The following NALF1 variants were observed in gnomAD, a reference collection of about 807,000 sequenced individuals.
NALF1 encodes NALCN channel auxiliary factor 1.
In NALF1, 3 loss-of-function variants were observed where a neutral mutation model predicts 48.4. The ratio of observed to expected loss-of-function variants is 0.06; its 90% CI spans 0.03 to 0.16. The LOEUF (loss-of-function observed/expected upper bound fraction) is 0.16. Among genes scored for constraint, NALF1 ranks in the 10% least tolerant of loss-of-function variants. The pLI, the probability that NALF1 is intolerant of heterozygous loss-of-function variation, is 1.00. For synonymous variants in NALF1, 262 were observed against 245.7 expected (o/e 1.07, Z -0.62); for missense variants, 526 against 571.5 (o/e 0.92, Z 0.81).
At chr13:107,483,502 A>G (rs1885284252) in intron 1 of NALF1, among the ~76,000 whole-genome samples, 1 of 152,192 alleles carries the variant, frequency 6.6e-6, no homozygotes, top group Admixed American at 6.6e-5. Flanking sequence ...TATATGTTAC[A>G]GCAATCTATA....
intron 2 of NALF1, among the ~76,000 whole-genome samples, chr13:107,206,862 T>C (rs1289901939): frequency 6.6e-6 from 1 of 152,204 alleles, no homozygotes; most frequent in African/African-American, 2.4e-5. Context: ...ATAAGAAAAG[T>C]AAGTGAAGAA....
At chr13:107,493,249 G>T (rs914714639) in intron 1 of NALF1, among the ~76,000 whole-genome samples, 2 of 152,134 alleles carry the variant, frequency 1.3e-5, no homozygotes, top group African/African-American at 4.8e-5. Flanking sequence ...TGGAAAAGGA[G>T]TTGTCTGGAA....
At chr13:107,488,071 T>C (rs1427118089) in intron 1 of NALF1, among the ~76,000 whole-genome samples, 3 of 152,124 alleles carry the variant, frequency 2.0e-5, no homozygotes, top group Non-Finnish European at 4.4e-5. Flanking sequence ...ATGTTTATAA[T>C]ACTCTCTGAT....
At chr13:107,652,499 G>T (rs1880472938) in intron 1 of NALF1, among the ~76,000 whole-genome samples, 1 of 151,954 alleles carries the variant, frequency 6.6e-6, no homozygotes, top group Non-Finnish European at 1.5e-5. Flanking sequence ...ACAACTTTTG[G>T]AAATTCATGA....
At chr13:107,221,441 G>A (rs186649901) in intron 1 of NALF1, among the ~76,000 whole-genome samples, 63 of 152,176 alleles carry the variant, frequency 4.1e-4, no homozygotes, top group African/African-American at 1.2e-3. Context: ...TTAGCTGGGC[G>A]TGGCGGTGCA....
At chr13:107,202,422 A>G (rs1879540625) in intron 2 of NALF1, among the ~76,000 whole-genome samples, 1 of 150,210 alleles carries the variant, frequency 6.7e-6, no homozygotes, top group Non-Finnish European at 1.5e-5. Flanking sequence ...TAAAATAGCT[A>G]TAACACAAGG....
chr13:107,168,334 T>G lies in NALF1; in HGVS notation c.*2163A>C, dbSNP rs1878710143. The G allele has an allele frequency of 6.6e-6, 1 of 152,184 alleles. No homozygotes were observed. The highest frequency in any genetic ancestry group is 1.5e-5 in the Non-Finnish European group (1 of 68,040). The allele number at this position is 152,184 out of a possible 1,614,324, so 9.4% of individuals were successfully genotyped here. A position where few individuals can be genotyped will look rare whatever the true frequency, so the allele number is the denominator to read the frequency against. On this transcript the variant is annotated 3_prime_UTR_variant, in exon 3 of 3. Transcript: ENST00000375915. The stretch of plus-strand genomic sequence containing the variant: ...ATACCAAAGTGCTCATTTCTACAAG[T>G]GTTTCACAGTCAACAATTCCATGCA...
intron 1 of NALF1, among the ~76,000 whole-genome samples, chr13:107,488,745 T>C (rs995939437): frequency 5.9e-5 from 9 of 152,214 alleles, no homozygotes; most frequent in Non-Finnish European, 4.4e-5. Context: ...AACACTCTTA[T>C]TCAACATACT....
intron 1 of NALF1, among the ~76,000 whole-genome samples, chr13:107,776,273 C>T (rs544812692): frequency 1.1e-3 from 160 of 152,154 alleles, no homozygotes; most frequent in South Asian, 2.7e-3. Context: ...CTCTCATCAG[C>T]TGGGTAAGTT....
At chr13:107,502,645 T>C (rs1184111192) in intron 1 of NALF1, among the ~76,000 whole-genome samples, 2 of 152,168 alleles carry the variant, frequency 1.3e-5, no homozygotes, top group African/African-American at 2.4e-5. Context: ...ATGCTTCTTC[T>C]AACCATTTAA....
chr13:107,682,862 A>G (rs1420740863), intron 1 of NALF1, among the ~76,000 whole-genome samples: 1 of 152,222 alleles, frequency 6.6e-6, no homozygotes, highest in African/African-American at 2.4e-5. Context: ...CCTCTGCCAT[A>G]GTATGGTCCC....
chr13:107,781,266 A>G (rs1216998844), intron 1 of NALF1, among the ~76,000 whole-genome samples: 1 of 152,212 alleles, frequency 6.6e-6, no homozygotes, highest in Non-Finnish European at 1.5e-5. Context: ...TAAATCTTTA[A>G]CATACTAATC....
chr13:107,351,379 A>T (rs987069195), intron 1 of NALF1, among the ~76,000 whole-genome samples: 5 of 152,220 alleles, frequency 3.3e-5, no homozygotes, highest in African/African-American at 1.2e-4. Flanking sequence ...GAGGAGGTTC[A>T]TGCTTACGGG....
intron 2 of NALF1, among the ~76,000 whole-genome samples, chr13:107,184,868 T>C (rs180771399): frequency 2.0e-5 from 3 of 152,334 alleles, no homozygotes; most frequent in East Asian, 3.9e-4. Flanking sequence ...TCCAAAACGA[T>C]ATGTTAAAGT....
intron 1 of NALF1, among the ~76,000 whole-genome samples, chr13:107,243,434 C>A (rs1356455568): frequency 4.6e-5 from 7 of 152,184 alleles, no homozygotes; most frequent in African/African-American, 1.7e-4. Flanking sequence ...ACCAGTTCTT[C>A]CAGGGCACGT....
intron 1 of NALF1, among the ~76,000 whole-genome samples, chr13:107,461,717 G>C (rs1044256668): frequency 6.6e-6 from 1 of 152,156 alleles, no homozygotes; most frequent in Non-Finnish European, 1.5e-5. Context: ...CGTAGGTCTA[G>C]AAGTTTACAG....
At chr13:107,826,864 G>A (rs768859909) in intron 1 of NALF1, among the ~76,000 whole-genome samples, 13 of 152,176 alleles carry the variant, frequency 8.5e-5, no homozygotes, top group Non-Finnish European at 1.8e-4. Context: ...TGGCCTCAAA[G>A]GACTGCTGGG....
At chr13:107,246,569 T>A (rs1342005509) in intron 1 of NALF1, among the ~76,000 whole-genome samples, 2 of 152,188 alleles carry the variant, frequency 1.3e-5, no homozygotes, top group African/African-American at 4.8e-5. Context: ...TGATATATCC[T>A]CAAAGATGCA....
At chr13:107,259,512 T>C (rs1594093293) in intron 1 of NALF1, among the ~76,000 whole-genome samples, 1 of 152,278 alleles carries the variant, frequency 6.6e-6, no homozygotes, top group Non-Finnish European at 1.5e-5. Flanking sequence ...ATGAGGACAT[T>C]GCTGGAGTGA....
Sources: gnomAD v4.1 joint callset for allele counts (sites outside exome capture counted in the v4.1 genomes callset) on GRCh38, gnomAD v4.1.1 for gene constraint, MANE v1.5 for transcripts, NCBI Gene and HGNC (gene_info 2026-07-23, HGNC 2026-07-21) for gene names.